The following RIC3 variants were observed in gnomAD, a reference collection of about 807,000 sequenced individuals.
The protein encoded by RIC3 is protein RIC-3.
A neutral mutation model predicts 27.3 loss-of-function variants in RIC3; 28 were observed. The observed-to-expected ratio is 1.02, with a 90% CI of 0.76 to 1.41. The LOEUF is 1.41. Ranked by LOEUF, RIC3 falls within the 40% of genes most tolerant of loss-of-function variation. The pLI is 0.00. For synonymous variants in RIC3, 184 were observed against 160.4 expected (o/e 1.15, Z -1.11); for missense variants, 501 against 444.7 (o/e 1.13, Z -1.14).
chr11:8,162,166 C>T (rs897890516), intron 1 of RIC3, among the ~76,000 whole-genome samples: 1 of 152,212 alleles, frequency 6.6e-6, no homozygotes, highest in Non-Finnish European at 1.5e-5. Context: ...GAAAAGGACA[C>T]AGAAAATAAG....
intron 4 of RIC3, among the ~76,000 whole-genome samples, chr11:8,131,020 G>A (rs1263191255): frequency 6.6e-6 from 1 of 152,150 alleles, no homozygotes; most frequent in Admixed American, 6.5e-5. Flanking sequence ...AATCTGTTTG[G>A]AAAACAGAAA....
chr11:8,136,340 G>T (rs1045397105), intron 4 of RIC3, among the ~76,000 whole-genome samples: 5 of 152,216 alleles, frequency 3.3e-5, no homozygotes, highest in Admixed American at 1.3e-4. Flanking sequence ...TGCTCACAAA[G>T]ATGCAGGAGG....
chr11:8,101,497 G>C (rs527582687), downstream of RIC3: 3 of 1,614,180 alleles, frequency 1.9e-6, no homozygotes, highest in Non-Finnish European at 2.5e-6. Flanking sequence ...GGACTACATC[G>C]TGATGCAGTT....
At chr11:8,158,940 C>T (rs895514462) in intron 1 of RIC3, among the ~76,000 whole-genome samples, 75 of 150,216 alleles carry the variant, frequency 5.0e-4, no homozygotes, top group African/African-American at 1.8e-3. Context: ...ACCATGTTGG[C>T]CAGGCTGGTC....
At chr11:8,100,717 C>T in the RIC3 span, 1 of 1,554,452 alleles carries the variant, frequency 6.4e-7, no homozygotes, top group Non-Finnish European at 8.8e-7. Context: ...TGAGAAAGCC[C>T]TGGAGGTCTA....
chr11:8,149,343 A>C (rs1161263619), intron 1 of RIC3, among the ~76,000 whole-genome samples: 3 of 152,306 alleles, frequency 2.0e-5, no homozygotes, highest in African/African-American at 4.8e-5. Flanking sequence ...AGAACAAAGA[A>C]ACCATTAAGT....
chr11:8,115,661 G>A (rs1945771712), intron 5 of RIC3, among the ~76,000 whole-genome samples: 1 of 152,146 alleles, frequency 6.6e-6, no homozygotes, highest in Admixed American at 6.5e-5. Flanking sequence ...TACAAAATTA[G>A]CTCGGCATGG....
chr11:8,101,059 T>C (rs1027095505), downstream of RIC3: 12 of 1,591,322 alleles, frequency 7.5e-6, no homozygotes, highest in Admixed American at 3.4e-5. Flanking sequence ...TAGCGTAGGG[T>C]TCAGCCCACC....
intron 4 of RIC3, among the ~76,000 whole-genome samples, chr11:8,130,974 A>G (rs975821290): frequency 5.3e-5 from 8 of 152,214 alleles, no homozygotes; most frequent in Non-Finnish European, 8.8e-5. Flanking sequence ...TTTCAAAATC[A>G]AAAGGGACCT....
intron 1 of RIC3, among the ~76,000 whole-genome samples, chr11:8,150,571 G>C (rs1336205450): frequency 2.0e-5 from 3 of 152,100 alleles, no homozygotes; most frequent in African/African-American, 7.2e-5. Flanking sequence ...AAATGACAAA[G>C]CTAATTAAAA....
chr11:8,115,265 A>G (rs1945716012), intron 5 of RIC3, among the ~76,000 whole-genome samples: 1 of 152,056 alleles, frequency 6.6e-6, no homozygotes, highest in African/African-American at 2.4e-5. Flanking sequence ...AAGGCCAGAA[A>G]AGAGTGGGAT....
chr11:8,097,258 C>T, the RIC3 span: 2 of 1,614,170 alleles, frequency 1.2e-6, no homozygotes, highest in African/African-American at 1.3e-5. Context: ...CCCAACAGCT[C>T]CAGAGCAACC....
At chr11:8,158,370 T>C (rs930001507) in intron 1 of RIC3, among the ~76,000 whole-genome samples, 3 of 152,088 alleles carry the variant, frequency 2.0e-5, no homozygotes, top group East Asian at 1.9e-4. Flanking sequence ...GATGCCCAGA[T>C]ACAGTGTTAC....
downstream of RIC3, chr11:8,105,771 TCTCCTCTC>T (rs1944558019): frequency 1.3e-5 from 2 of 152,112 alleles, no homozygotes; most frequent in South Asian, 4.2e-4. Flanking sequence ...ATCACATCCC[TCTCCTCTC>T]CTCCTCTGTG....
At chr11:8,129,645 A>G (rs56740207) in intron 4 of RIC3, among the ~76,000 whole-genome samples, 6,338 of 152,298 alleles carry the variant, frequency 0.042, 157 homozygotes, top group South Asian at 0.077. Context: ...TTTGAATTCT[A>G]TAAGCCCAGC....
intron 4 of RIC3, among the ~76,000 whole-genome samples, chr11:8,127,043 C>T (rs1163059193): frequency 6.6e-6 from 1 of 152,088 alleles, no homozygotes; most frequent in Admixed American, 6.6e-5. Flanking sequence ...CCCAAGGTCC[C>T]GAAATTAGTT....
At chr11:8,121,283 A>G (rs1946419996) in intron 5 of RIC3, among the ~76,000 whole-genome samples, 1 of 152,146 alleles carries the variant, frequency 6.6e-6, no homozygotes, top group Non-Finnish European at 1.5e-5. Flanking sequence ...GAAAAACTGA[A>G]TTTCATTTCA....
intron 4 of RIC3, chr11:8,127,039 G>T (rs1590154251): frequency 3.6e-6 from 2 of 561,020 alleles, no homozygotes; most frequent in East Asian, 6.4e-5. Context: ...ATTGCCCAAG[G>T]TCCCGAAATT....
chr11:8,112,250 T>A (rs1030627157), intron 5 of RIC3, among the ~76,000 whole-genome samples: 12 of 152,236 alleles, frequency 7.9e-5, no homozygotes, highest in African/African-American at 2.4e-4. Context: ...GGTCTTTTTT[T>A]AACCGTATAT....
Sources: gnomAD v4.1 joint callset for allele counts (sites outside exome capture counted in the v4.1 genomes callset) on GRCh38, gnomAD v4.1.1 for gene constraint, MANE v1.5 for transcripts, NCBI Gene and HGNC (gene_info 2026-07-23, HGNC 2026-07-21) for gene names.